The following ZRANB1 variants were observed in gnomAD, a reference collection of about 807,000 sequenced individuals.
The protein encoded by ZRANB1 is zinc finger RANBP2-type containing 1, also known as ubiquitin thioesterase ZRANB1.
A neutral mutation model predicts 80.5 loss-of-function variants in ZRANB1; 16 were observed. That is an observed-to-expected ratio of 0.20 (90% confidence interval 0.13 to 0.30). ZRANB1 has a LOEUF of 0.30. Ranked by LOEUF, ZRANB1 falls within the 10% of genes least tolerant of loss-of-function variation. The pLI is 1.00. For synonymous variants in ZRANB1, 291 were observed against 293.1 expected, an observed-to-expected ratio of 0.99 and a Z score of 0.07; for missense variants, 576 against 862.6, an observed-to-expected ratio of 0.67 and a Z score of 4.16.
At chr10:124,927,368 A>G in the ZRANB1 span, among the ~76,000 whole-genome samples, 13 of 152,264 alleles carry the variant, frequency 8.5e-5, no homozygotes, top group African/African-American at 3.1e-4. Flanking sequence ...GTTGCACAGT[A>G]AAAGTTGAAA....
chr10:124,966,397 G>A (rs1047883025), intron 1 of ZRANB1, among the ~76,000 whole-genome samples, 197 bp from the exon 2 acceptor site: 1 of 152,024 alleles, frequency 6.6e-6, no homozygotes, highest in Admixed American at 6.6e-5. Context: ...TGTCTAGGCA[G>A]TTCTAGTTCT....
chr10:124,983,610 T>C lies in ZRANB1; in HGVS notation c.1830T>C (p.Asp610=), dbSNP rs778822623. Residue 610 remains aspartate, a synonymous_variant, in exon 8 of 9, where the codon GAT becomes GAC. Coordinates refer to ENST00000359653, the MANE Select transcript of ZRANB1 (RefSeq NM_017580.3). The surrounding 1 kb of genome is among the most constrained non-coding windows in gnomAD (Gnocchi z 6.2). The part of the protein sequence containing the change: ...RGAGANLNTD[D]DVTITFLPLV... ...CTGGTGCTAATCTCAATACCGATGA[T>C]GATGTCACCATCACATTTTTGCCTC... 2 of 1,613,958 alleles carry C rather than the reference T, an allele frequency of 1.2e-6. No homozygotes were observed. The highest frequency in any genetic ancestry group is 1.7e-6 in the Non-Finnish European group (2 of 1,179,918).
At chr10:124,922,556 G>A in the ZRANB1 span, among the ~76,000 whole-genome samples, 1 of 148,924 alleles carries the variant, frequency 6.7e-6, no homozygotes. Context: ...ACAATGGCAC[G>A]ATCTCAGCTC....
chr10:124,944,677 A>T (rs1243153516), intron 1 of ZRANB1, among the ~76,000 whole-genome samples: 1 of 151,912 alleles, frequency 6.6e-6, no homozygotes, highest in African/African-American at 2.4e-5. Context: ...ATTATTTGTA[A>T]AGATGGGGGT....
chr10:124,977,008 C>G (rs1382023904), intron 5 of ZRANB1, among the ~76,000 whole-genome samples: 4 of 152,116 alleles, frequency 2.6e-5, no homozygotes, highest in Non-Finnish European at 2.9e-5. Flanking sequence ...TGCTCTGTCA[C>G]CCAGGCTGAA....
At chr10:124,950,165 C>T (rs1266984743) in intron 1 of ZRANB1, among the ~76,000 whole-genome samples, 1 of 152,110 alleles carries the variant, frequency 6.6e-6, no homozygotes, top group African/African-American at 2.4e-5. Context: ...CACTGTCTCC[C>T]AGGCTAGAGT....
intron 4 of ZRANB1, 38 bp from the exon 5 acceptor site, chr10:124,974,162 G>A: frequency 6.3e-7 from 1 of 1,599,694 alleles, no homozygotes; most frequent in Non-Finnish European, 8.6e-7. Context: ...TAATGACATA[G>A]GTATGGAAAT....
chr10:124,936,954 TTTG>T, the ZRANB1 span, among the ~76,000 whole-genome samples: 27 of 152,084 alleles, frequency 1.8e-4, no homozygotes, highest in East Asian at 5.8e-4. Flanking sequence ...AAGGCTGCTT[TTTG>T]TTGTTGTTGT....
At chr10:124,957,673 A>G (rs948615230) in intron 1 of ZRANB1, among the ~76,000 whole-genome samples, 7 of 151,538 alleles carry the variant, frequency 4.6e-5, no homozygotes, top group African/African-American at 1.5e-4. Flanking sequence ...TGCTTATTTC[A>G]CTTAGTATAA....
In ZRANB1 at chr10:124,973,735, A is replaced by C; in HGVS notation, c.1228+19A>C. ...CAAAAAGGTAAGCATGGAATTAATGAGTATAATTTACCTTTCATCTGATCA... is the reference window on the plus strand; with the variant it reads ...CAAAAAGGTAAGCATGGAATTAATGCGTATAATTTACCTTTCATCTGATCA... On this transcript the variant is annotated intron_variant, in intron 4 of 8. Coordinates refer to ENST00000359653, the MANE Select transcript of ZRANB1 (RefSeq NM_017580.3). The C allele has an allele frequency of 6.2e-7, 1 of 1,602,674 alleles. No individual in the cohort carries two copies. Among genetic ancestry groups the C allele is most frequent in the Non-Finnish European group, 8.5e-7 (1 of 1,174,798 alleles).
the ZRANB1 span, among the ~76,000 whole-genome samples, chr10:124,923,689 GA>G: frequency 1.3e-5 from 2 of 151,868 alleles, no homozygotes; most frequent in African/African-American, 2.4e-5. Context: ...AAGGTGAAGA[GA>G]AAAAAAGCAC....
At chr10:124,939,173 C>G (rs544102734), upstream of ZRANB1, among the ~76,000 whole-genome samples, 29 of 150,720 alleles carry the variant, frequency 1.9e-4, no homozygotes, top group Non-Finnish European at 3.8e-4. Flanking sequence ...GAGACTGTCT[C>G]AACAACAACA....
chr10:124,951,923 C>T lies in ZRANB1; in HGVS notation c.814+8616C>T, dbSNP rs528206742. Among the ~76,000 whole-genome samples, 145 of 152,126 alleles carry T rather than the reference C, an allele frequency of 9.5e-4. 1 individual carries two copies. Among genetic ancestry groups the T allele is most frequent in the South Asian group, 8.9e-3 (43 of 4,812 alleles). ...AGTGAGCTGAGATCATGCCACCGCA[C>T]TCCAGCCCGGGCAACAAAGTGAAAC... On this transcript the variant is annotated intron_variant, in intron 1 of 8. Coordinates refer to ENST00000359653, the MANE Select transcript of ZRANB1 (RefSeq NM_017580.3).
rs1951541831 is a variant in ZRANB1, at chr10:124,942,201, T to C, written c.-293T>C. The C allele has an allele frequency of 5.0e-6, 6 of 1,201,608 alleles. No individual in the cohort carries two copies. The South Asian group carries it at 1.3e-4, about 26-fold the overall frequency. 74.4% of individuals were successfully genotyped at this position (1,201,608 alleles called of 1,614,324 possible). On this transcript the variant is annotated 5_prime_UTR_variant, in exon 1 of 9. Coordinates refer to ENST00000359653, the MANE Select transcript of ZRANB1 (RefSeq NM_017580.3). ...ATCCTTCTTAGATCAAACCTCGTTA[T>C]ATCTCCTGCCTATCTCTTTTGCATT...
chr10:124,961,722 TTC>T (rs1211366588), intron 1 of ZRANB1, among the ~76,000 whole-genome samples: 1 of 152,268 alleles, frequency 6.6e-6, no homozygotes, highest in Non-Finnish European at 1.5e-5. Context: ...TTTGACTTCC[TTC>T]TCTCATTGAA....
At chr10:124,940,969 G>A (rs2134239035), upstream of ZRANB1, among the ~76,000 whole-genome samples, 1 of 151,958 alleles carries the variant, frequency 6.6e-6, no homozygotes, top group South Asian at 2.1e-4. Flanking sequence ...GCAAAACATA[G>A]CAAGACTCCA....
At chr10:124,933,206 G>A in the ZRANB1 span, among the ~76,000 whole-genome samples, 2,107 of 117,990 alleles carry the variant, frequency 0.018, 31 homozygotes, top group South Asian at 0.093. Context: ...GCGCGATCTC[G>A]GCTCACTGCA....
intron 5 of ZRANB1, among the ~76,000 whole-genome samples, chr10:124,980,027 T>C (rs906895084): frequency 1.3e-5 from 2 of 152,272 alleles, no homozygotes; most frequent in Non-Finnish European, 2.9e-5. Flanking sequence ...GATTTCCATA[T>C]ACATTTTAGG....
At chr10:124,962,280 C>T (rs985957210) in intron 1 of ZRANB1, 6 of 539,588 alleles carry the variant, frequency 1.1e-5, no homozygotes, top group Non-Finnish European at 1.4e-5. Context: ...TAACTTTTCT[C>T]TTTAAGGGTT....
Sources: gnomAD v4.1 joint callset for allele counts (sites outside exome capture counted in the v4.1 genomes callset) on GRCh38, gnomAD v4.1.1 for gene constraint, Gnocchi (gnomAD v3.1) non-coding constraint, MANE v1.5 for transcripts, NCBI Gene and HGNC (gene_info 2026-07-23, HGNC 2026-07-21) for gene names.